The following CCSER1 variants were observed in gnomAD, a reference collection of about 807,000 sequenced individuals.
CCSER1 encodes the protein coiled-coil serine rich protein 1.
A neutral mutation model predicts 82.0 loss-of-function variants in CCSER1; 41 were observed. That is an observed-to-expected ratio of 0.50 (90% CI 0.39 to 0.65). The LOEUF is 0.65. CCSER1 is among the 30% of genes least tolerant of loss of function. The pLI is 0.00. For missense variants in CCSER1, 1,119 were observed against 1,064.2 expected, an observed-to-expected ratio of 1.05 and a Z score of -0.72; for synonymous variants, 414 against 383.9, an observed-to-expected ratio of 1.08 and a Z score of -0.92.
At chr4:90,592,198 G>T (rs1261051347) in intron 5 of CCSER1, among the ~76,000 whole-genome samples, 1 of 151,950 alleles carries the variant, frequency 6.6e-6, no homozygotes, top group Non-Finnish European at 1.5e-5. Context: ...TTTAAAGTAA[G>T]ATAAAACTAT....
intron 10 of CCSER1, among the ~76,000 whole-genome samples, chr4:91,580,524 C>G (rs1244165512): frequency 1.3e-5 from 2 of 151,670 alleles, no homozygotes; most frequent in Non-Finnish European, 3.0e-5. Context: ...GTAATATACC[C>G]AGACTCATTG....
chr4:91,022,344 A>G (rs1347734910), intron 9 of CCSER1, among the ~76,000 whole-genome samples: 1 of 151,832 alleles, frequency 6.6e-6, no homozygotes, highest in Non-Finnish European at 1.5e-5. Flanking sequence ...ATCATTTTTT[A>G]TGGCTGCAGA....
chr4:90,782,384 T>C (rs1041820845), intron 7 of CCSER1, among the ~76,000 whole-genome samples: 20 of 152,198 alleles, frequency 1.3e-4, no homozygotes, highest in Admixed American at 1.0e-3. Context: ...TTGGACTAGA[T>C]GATTTGAGAC....
intron 9 of CCSER1, among the ~76,000 whole-genome samples, chr4:91,005,378 A>G (rs1738408984): frequency 6.8e-6 from 1 of 147,410 alleles, no homozygotes; most frequent in Non-Finnish European, 1.5e-5. Flanking sequence ...TTTATATATC[A>G]TGAAGTAATT....
At chr4:91,402,744 A>T (rs920167275) in intron 10 of CCSER1, among the ~76,000 whole-genome samples, 1 of 151,696 alleles carries the variant, frequency 6.6e-6, no homozygotes, top group African/African-American at 2.4e-5. Flanking sequence ...GTTCTGTTCT[A>T]TTGGTCTATC....
intron 6 of CCSER1, among the ~76,000 whole-genome samples, chr4:90,685,166 T>C (rs748656163): frequency 1.3e-5 from 2 of 152,142 alleles, no homozygotes; most frequent in Non-Finnish European, 2.9e-5. Flanking sequence ...AATCTGTGGC[T>C]AGTCATATCA....
chr4:91,567,960 C>G (rs977249636), intron 10 of CCSER1, among the ~76,000 whole-genome samples: 2 of 152,060 alleles, frequency 1.3e-5, no homozygotes, highest in Non-Finnish European at 2.9e-5. Context: ...TACAGTGACA[C>G]TGGTCTCTGT....
chr4:91,043,834 C>T (rs6818347), intron 9 of CCSER1, among the ~76,000 whole-genome samples: 8,854 of 152,154 alleles, frequency 0.058, 316 homozygotes, highest in African/African-American at 0.089. Context: ...GTGATCTGCC[C>T]TCCTCAGCTT....
chr4:90,144,073 T>C (rs1452263728), intron 1 of CCSER1, among the ~76,000 whole-genome samples: 2 of 152,248 alleles, frequency 1.3e-5, no homozygotes, highest in Non-Finnish European at 2.9e-5. Flanking sequence ...CTGTAAGATA[T>C]CTTTTTAAAA....
chr4:91,044,267 T>A (rs1196610432), intron 9 of CCSER1, among the ~76,000 whole-genome samples: 4 of 152,178 alleles, frequency 2.6e-5, no homozygotes, highest in Admixed American at 6.5e-5. Context: ...TTGCTACAAT[T>A]CAAAGATATA....
chr4:90,179,405 T>G (rs1733311121), intron 1 of CCSER1, among the ~76,000 whole-genome samples: 1 of 152,202 alleles, frequency 6.6e-6, no homozygotes, highest in Admixed American at 6.5e-5. Flanking sequence ...TAATTTATTT[T>G]TTAGAGACAG....
rs1749831750 is a variant in CCSER1 at position 90,758,043 on chromosome 4, A to G, written c.2010+34052A>G. 2.7e-5 allele frequency among the ~76,000 whole-genome samples: 4 copies of G among 150,820 alleles called. No individual in the cohort carries two copies. In the South Asian group the frequency reaches 8.3e-4, roughly 31 times the overall value. ...AACCTCCACCTCCCAAGTTCAAGCGATTCTCCTGCCTCAGCCTCCCGAGTA... is the reference window on the plus strand; with the variant it reads ...AACCTCCACCTCCCAAGTTCAAGCGGTTCTCCTGCCTCAGCCTCCCGAGTA... On this transcript the variant is annotated intron_variant, in intron 7 of 10. Coordinates refer to ENST00000509176, the MANE Select transcript of CCSER1 (RefSeq NM_001145065.2).
intron 8 of CCSER1, among the ~76,000 whole-genome samples, chr4:90,867,590 A>T (rs1765901452): frequency 6.6e-6 from 1 of 151,948 alleles, no homozygotes; most frequent in Non-Finnish European, 1.5e-5. Context: ...ATAAATTATT[A>T]TTGATTGCAC....
chr4:91,075,871 G>A (rs932474824), intron 9 of CCSER1, among the ~76,000 whole-genome samples: 1 of 152,028 alleles, frequency 6.6e-6, no homozygotes, highest in Admixed American at 6.6e-5. Flanking sequence ...CCAAATTACT[G>A]TCAATAAGAG....
chr4:90,245,421 A>G (rs894831417), intron 1 of CCSER1, among the ~76,000 whole-genome samples: 1 of 152,098 alleles, frequency 6.6e-6, no homozygotes, highest in East Asian at 1.9e-4. Flanking sequence ...CTCTAAGGTC[A>G]TGGTAGGATC....
At chr4:91,488,845 A>G (rs1758359216) in intron 10 of CCSER1, among the ~76,000 whole-genome samples, 1 of 152,196 alleles carries the variant, frequency 6.6e-6, no homozygotes, top group African/African-American at 2.4e-5. Context: ...GAAATAAACA[A>G]AGCCCCTGCG....
intron 4 of CCSER1, among the ~76,000 whole-genome samples, chr4:90,422,515 C>T (rs1756850905): frequency 6.6e-6 from 1 of 152,058 alleles, no homozygotes; most frequent in African/African-American, 2.4e-5. Flanking sequence ...GGATCGCTTA[C>T]ACCCAGGAAG....
intron 7 of CCSER1, among the ~76,000 whole-genome samples, chr4:90,782,685 CTTTTTTT>C (rs61457393): frequency 7.5e-6 from 1 of 133,982 alleles, no homozygotes; most frequent in Non-Finnish European, 1.6e-5. Flanking sequence ...TTCTTTCTTT[CTTTTTTT>C]TTTTTTTTTG....
In CCSER1 at chr4:90,852,652, G is replaced by A. The variant is rs188059522; in HGVS notation, c.2094+36807G>A. On this transcript the variant is annotated intron_variant, in intron 8 of 10. Coordinates refer to ENST00000509176, the MANE Select transcript of CCSER1 (RefSeq NM_001145065.2). ...CAAAGCTTAACATCATGCTAGCTAG[G>A]AAGAACATTTAATGTTCCCAGCTCC... 1.3e-4 allele frequency among the ~76,000 whole-genome samples: 20 copies of A among 152,292 alleles called. No individual in the cohort carries two copies. The East Asian group carries it at 3.9e-3, about 29-fold the overall frequency.
Sources: gnomAD v4.1 joint callset for allele counts (sites outside exome capture counted in the v4.1 genomes callset) on GRCh38, gnomAD v4.1.1 for gene constraint, MANE v1.5 for transcripts, NCBI Gene and HGNC (gene_info 2026-07-23, HGNC 2026-07-21) for gene names.